OLFM3: variants seen among roughly 807,000 people sequenced by gnomAD.
OLFM3 encodes olfactomedin 3.
A neutral mutation model predicts 48.6 loss-of-function variants in OLFM3; 20 were observed. The ratio of observed to expected loss-of-function variants is 0.41; its 90% CI spans 0.29 to 0.60. The LOEUF is 0.60. Ranked by LOEUF, OLFM3 falls within the 20% of genes least tolerant of loss-of-function variation. The probability of loss-of-function intolerance (pLI) is 0.28; values close to 1 mark genes in which losing one functional copy is unlikely to be tolerated. For synonymous variants in OLFM3, 222 were observed against 198.1 expected, an observed-to-expected ratio of 1.12 and a Z score of -1.01; for missense variants, 437 against 544.3, an observed-to-expected ratio of 0.80 and a Z score of 1.96.
At chr1:101,835,953 C>G (rs962851583) in intron 2 of OLFM3, among the ~76,000 whole-genome samples, 1 of 152,122 alleles carries the variant, frequency 6.6e-6, no homozygotes, top group African/African-American at 2.4e-5. Context: ...TAATGAGTGT[C>G]TCTATTAAAA....
chr1:101,986,968 G>A (rs189619511), intron 1 of OLFM3, among the ~76,000 whole-genome samples: 3 of 152,266 alleles, frequency 2.0e-5, no homozygotes, highest in East Asian at 1.9e-4. Context: ...TCCCTGATAC[G>A]TAAACAAATA....
chr1:101,973,447 A>G (rs1399160866), intron 1 of OLFM3, among the ~76,000 whole-genome samples: 1 of 152,194 alleles, frequency 6.6e-6, no homozygotes, highest in East Asian at 1.9e-4. Context: ...GGTTTTGTCT[A>G]CTGAGTTTAC....
chr1:101,909,934 A>G, intron 1 of OLFM3: 4 of 982,906 alleles, frequency 4.1e-6, no homozygotes, highest in Non-Finnish European at 4.8e-6. Context: ...TGTCCAGGTA[A>G]ACTATAGACT....
intron 1 of OLFM3, among the ~76,000 whole-genome samples, chr1:101,857,748 C>A (rs1656484630): frequency 6.6e-6 from 1 of 151,694 alleles, no homozygotes; most frequent in South Asian, 2.1e-4. Flanking sequence ...TTATTGAGTC[C>A]TTTCTAGGTG....
At chr1:101,986,478 AC>A (rs776008822) in intron 1 of OLFM3, among the ~76,000 whole-genome samples, 12 of 152,190 alleles carry the variant, frequency 7.9e-5, no homozygotes, top group Admixed American at 4.6e-4. Context: ...TGTCCACAAT[AC>A]TATCAACTTT....
At chr1:101,836,563 G>A (rs1373993385) in intron 2 of OLFM3, among the ~76,000 whole-genome samples, 1 of 151,192 alleles carries the variant, frequency 6.6e-6, no homozygotes, top group Non-Finnish European at 1.5e-5. Context: ...TCCTGAGAGT[G>A]GAGCTGAATT....
chr1:101,880,318 G>A (rs1344337833), intron 1 of OLFM3, among the ~76,000 whole-genome samples: 1 of 151,692 alleles, frequency 6.6e-6, no homozygotes, highest in Non-Finnish European at 1.5e-5. Context: ...ATTTCCCCCA[G>A]TCCCACAAAC....
At chr1:101,947,052 A>T (rs1399941786) in intron 1 of OLFM3, among the ~76,000 whole-genome samples, 1 of 152,150 alleles carries the variant, frequency 6.6e-6, no homozygotes, top group Non-Finnish European at 1.5e-5. Flanking sequence ...CAATCAGACA[A>T]TTGCATGGTT....
chr1:101,982,932 A>ACACACACACG (rs3082464), intron 1 of OLFM3, among the ~76,000 whole-genome samples: 1 of 151,598 alleles, frequency 6.6e-6, no homozygotes, highest in African/African-American at 2.4e-5. Context: ...ACACACACAC[A>ACACACACACG]ATTTATATAT....
intron 1 of OLFM3, among the ~76,000 whole-genome samples, chr1:101,847,257 G>A (rs753121807): frequency 6.6e-6 from 1 of 152,038 alleles, no homozygotes; most frequent in African/African-American, 2.4e-5. Flanking sequence ...GGAGGGAGGC[G>A]GAAACTTGAG....
At chr1:101,808,612 G>A (rs1390794887) in intron 4 of OLFM3, among the ~76,000 whole-genome samples, 1 of 151,706 alleles carries the variant, frequency 6.6e-6, no homozygotes, top group African/African-American at 2.4e-5. Context: ...AAACTGTGTT[G>A]GTGATCTGAG....
At chr1:101,967,590 GAAAAA>G (rs71592233) in intron 1 of OLFM3, among the ~76,000 whole-genome samples, 17 of 44,578 alleles carry the variant, frequency 3.8e-4, no homozygotes, top group African/African-American at 1.4e-3. Context: ...CCTAGTCAGT[GAAAAA>G]AAAAAAAAAA....
In OLFM3 at chr1:101,880,643, G is replaced by A. The variant is rs189474601; in HGVS notation, c.70-43618C>T. ...CAGTAACATGGACTTGCCCCTAGAG[G>A]TAGTTGTTAATAATTTTGAAATATT... On this transcript the variant is annotated intron_variant, in intron 1 of 5. Coordinates refer to ENST00000370103, the MANE Select transcript of OLFM3 (RefSeq NM_058170.4). Among the ~76,000 whole-genome samples, 119 of 151,860 alleles carry A rather than the reference G, an allele frequency of 7.8e-4. 1 individual carries two copies. Among genetic ancestry groups the A allele is most frequent in the African/African-American group, 2.6e-3 (108 of 41,494 alleles).
chr1:101,873,121 A>G (rs1286404880), intron 1 of OLFM3, among the ~76,000 whole-genome samples: 1 of 151,978 alleles, frequency 6.6e-6, no homozygotes, highest in East Asian at 1.9e-4. Flanking sequence ...CTACCTTAAT[A>G]TGAATAAACA....
At chr1:101,883,342 T>C (rs115362596) in intron 1 of OLFM3, among the ~76,000 whole-genome samples, 4,138 of 149,912 alleles carry the variant, frequency 0.028, 196 homozygotes, top group African/African-American at 0.094. Flanking sequence ...ACTCTATATA[T>C]ACACACACAC....
At chr1:101,830,086 C>A (rs1170377355) in intron 3 of OLFM3, among the ~76,000 whole-genome samples, 1 of 152,100 alleles carries the variant, frequency 6.6e-6, no homozygotes. Context: ...GATCTGCCCA[C>A]CTCGGCCTCC....
intron 1 of OLFM3, among the ~76,000 whole-genome samples, chr1:101,902,647 T>C (rs1373671239): frequency 2.6e-5 from 4 of 152,252 alleles, no homozygotes; most frequent in Non-Finnish European, 4.4e-5. Context: ...ATAATTGATA[T>C]GTTAAACAAA....
intron 1 of OLFM3, among the ~76,000 whole-genome samples, chr1:101,979,454 A>G (rs1000121613): frequency 1.3e-5 from 2 of 152,178 alleles, no homozygotes; most frequent in Non-Finnish European, 2.9e-5. Context: ...ATAGTGGATG[A>G]GTTCTCATGA....
At chr1:101,837,801 A>G (rs1655506823) in intron 1 of OLFM3, 1 of 152,126 alleles carries the variant, frequency 6.6e-6, no homozygotes, top group African/African-American at 2.4e-5. Context: ...CAAGCATGCC[A>G]TGTTGATTCA....
Sources: allele counts gnomAD v4.1 joint callset (sites outside exome capture counted in the v4.1 genomes callset), GRCh38; gene constraint gnomAD v4.1.1; transcripts MANE v1.5; gene names NCBI Gene and HGNC (gene_info 2026-07-23, HGNC 2026-07-21).